AFF3: variants seen among roughly 807,000 people sequenced by gnomAD.
AFF3 encodes the protein AF4/FMR2 family member 3.
A neutral mutation model predicts 129.7 loss-of-function variants in AFF3; 32 were observed. That is an observed-to-expected ratio of 0.25 (90% CI 0.19 to 0.33). The LOEUF is 0.33. AFF3 is among the 10% of genes least tolerant of loss of function. The probability of loss-of-function intolerance (pLI) is 1.00; values close to 1 mark genes in which losing one functional copy is unlikely to be tolerated. For synonymous variants in AFF3, 644 were observed against 635.4 expected (o/e 1.01, Z -0.20); for missense variants, 1,373 against 1,592.0 (o/e 0.86, Z 2.34).
chr2:99,641,653 G>C (rs770599440), intron 13 of AFF3, among the ~76,000 whole-genome samples: 8 of 152,156 alleles, frequency 5.3e-5, no homozygotes, highest in Non-Finnish European at 1.2e-4. Context: ...ACTCCAGCCT[G>C]GGCAACAGAG....
At chr2:99,772,166 T>C (rs2105330586) in intron 8 of AFF3, among the ~76,000 whole-genome samples, 1 of 151,356 alleles carries the variant, frequency 6.6e-6, no homozygotes, top group East Asian at 1.9e-4. Flanking sequence ...TGGGACAAAA[T>C]AGGGAAGGAG....
intron 7 of AFF3, among the ~76,000 whole-genome samples, chr2:99,904,072 G>A (rs1299142798): frequency 1.3e-5 from 2 of 151,856 alleles, no homozygotes; most frequent in African/African-American, 4.8e-5. Flanking sequence ...CTGCCTTCCT[G>A]GGCTCATGAG....
chr2:99,826,236 ACCT>A (rs1463132552), intron 8 of AFF3, among the ~76,000 whole-genome samples: 3 of 151,900 alleles, frequency 2.0e-5, no homozygotes, highest in African/African-American at 7.3e-5. Flanking sequence ...GCTGGTCTCG[ACCT>A]CCTGACCACA....
chr2:99,565,043 C>T (rs2104620183), intron 20 of AFF3, among the ~76,000 whole-genome samples: 1 of 152,194 alleles, frequency 6.6e-6, no homozygotes, highest in South Asian at 2.1e-4. Context: ...TTAGACCAGA[C>T]AGTATAAGAT....
chr2:99,559,060 C>G, intron 21 of AFF3, 92 bp from the exon 22 acceptor site: 1 of 1,058,080 alleles, frequency 9.5e-7, no homozygotes, highest in Non-Finnish European at 1.4e-6. Flanking sequence ...CTAAGGTACT[C>G]AATAACAATA....
chr2:99,985,303 T>C lies in AFF3; in HGVS notation c.873+21329A>G, dbSNP rs531621566. Among the ~76,000 whole-genome samples the C allele has an allele frequency of 3.9e-5, 6 of 152,352 alleles. No homozygotes were observed. The South Asian group carries it at 8.3e-4, about 21-fold the overall frequency. On this transcript the variant is annotated intron_variant, in intron 7 of 24. Transcript: ENST00000672756. ...GGCATTCTACCAAATTCACTTTCTT[T>C]TTACATATTCGAAATTGCAATGGAC...
At chr2:100,111,249 C>T (rs999092463) in intron 2 of AFF3, among the ~76,000 whole-genome samples, 1 of 152,238 alleles carries the variant, frequency 6.6e-6, no homozygotes, top group Non-Finnish European at 1.5e-5. Context: ...CTTAAATGTG[C>T]CCCGCACATT....
chr2:99,811,764 C>T (rs114238287), intron 8 of AFF3, among the ~76,000 whole-genome samples: 1,789 of 152,274 alleles, frequency 0.012, 47 homozygotes, highest in African/African-American at 0.041. Context: ...ACCATTTGGA[C>T]GCAGAACAAC....
At chr2:99,840,780 C>T (rs973053154) in intron 7 of AFF3, among the ~76,000 whole-genome samples, 1 of 152,116 alleles carries the variant, frequency 6.6e-6, no homozygotes, top group Non-Finnish European at 1.5e-5. Context: ...CTGAGGTGAC[C>T]ATCACAAAGG....
chr2:99,593,872 CG>C lies in AFF3; in HGVS notation c.1788del (p.Asp598ThrfsTer48), dbSNP rs201754690. 84,142 of 1,556,080 alleles carry C rather than the reference CG, an allele frequency of 0.054. 2,928 individuals carry two copies. Among genetic ancestry groups the C allele is most frequent in the East Asian group, 0.18 (7,836 of 43,306 alleles). On this transcript the variant is annotated frameshift_variant, in exon 15 of 25. Transcript: ENST00000672756. LOFTEE classifies it high-confidence loss of function. ...KPTRRTERTS[A>X]GDGANCHRPE... is the part of the protein sequence containing the mutation. The stretch of plus-strand genomic sequence containing the variant: ...GGCCGGTGGCAGTTGGCGCCGTCCC[CG>C]GCTGAGGTCCTCTCGGTGCGCCTGG...
chr2:99,559,715 A>G (rs1278632715), intron 21 of AFF3, among the ~76,000 whole-genome samples: 1 of 152,258 alleles, frequency 6.6e-6, no homozygotes, highest in Non-Finnish European at 1.5e-5. Context: ...CCAGAATACC[A>G]ACATTCTGGG....
intron 8 of AFF3, among the ~76,000 whole-genome samples, chr2:99,832,149 C>T (rs1341986652): frequency 1.3e-5 from 2 of 152,196 alleles, no homozygotes; most frequent in Admixed American, 6.5e-5. Flanking sequence ...TATCAGAACC[C>T]GCTTTTTACT....
chr2:100,108,822 T>A (rs1420957829), intron 2 of AFF3, among the ~76,000 whole-genome samples: 9 of 152,060 alleles, frequency 5.9e-5, no homozygotes, highest in Admixed American at 5.9e-4. Flanking sequence ...AGATATTTAT[T>A]GAATGTAAGT....
At chr2:99,984,881 T>C (rs1679729551) in intron 7 of AFF3, among the ~76,000 whole-genome samples, 1 of 151,266 alleles carries the variant, frequency 6.6e-6, no homozygotes, top group Admixed American at 6.6e-5. Flanking sequence ...GTAGATTTAG[T>C]CCATTTGCAC....
intron 7 of AFF3, among the ~76,000 whole-genome samples, chr2:99,985,353 A>G (rs1163736685): frequency 2.0e-5 from 3 of 152,220 alleles, no homozygotes; most frequent in African/African-American, 7.2e-5. Context: ...CCTCCTTTGA[A>G]TAATGAAAAT....
intron 7 of AFF3, among the ~76,000 whole-genome samples, chr2:99,980,226 C>T (rs1679281116): frequency 6.6e-6 from 1 of 152,198 alleles, no homozygotes; most frequent in Admixed American, 6.5e-5. Flanking sequence ...CCTGCTGTTC[C>T]TCGATCTCTT....
chr2:99,744,394 C>T (rs1231355661), intron 9 of AFF3, among the ~76,000 whole-genome samples: 1 of 152,176 alleles, frequency 6.6e-6, no homozygotes, highest in Non-Finnish European at 1.5e-5. Flanking sequence ...GTTCACATAA[C>T]ATTAAAATTA....
At chr2:99,705,486 G>T (rs1677273118) in intron 11 of AFF3, among the ~76,000 whole-genome samples, 1 of 151,924 alleles carries the variant, frequency 6.6e-6, no homozygotes, top group South Asian at 2.1e-4. Flanking sequence ...AATCAAGCTA[G>T]AAATAAGTTT....
intron 24 of AFF3, among the ~76,000 whole-genome samples, chr2:99,553,544 A>G (rs1416057893): frequency 1.3e-5 from 2 of 152,164 alleles, no homozygotes; most frequent in Non-Finnish European, 2.9e-5. Context: ...GTTGATATAT[A>G]TAACAATATA....
Sources: allele counts gnomAD v4.1 joint callset (sites outside exome capture counted in the v4.1 genomes callset), GRCh38; gene constraint gnomAD v4.1.1; transcripts MANE v1.5; gene names NCBI Gene and HGNC (gene_info 2026-07-23, HGNC 2026-07-21).